The following PRSS23 variants were observed in gnomAD, a reference collection of about 807,000 sequenced individuals.
PRSS23 encodes serine protease 23, also known as protease, serine 23.
A neutral mutation model predicts 34.7 loss-of-function variants in PRSS23; 25 were observed. The observed-to-expected ratio is 0.72, with a 90% CI of 0.53 to 1.01. The LOEUF (loss-of-function observed/expected upper bound fraction) is 1.01, where lower values mean the gene tolerates loss of function less well. PRSS23 is among the 50% of genes least tolerant of loss of function. PRSS23 has a pLI of 0.00. For missense variants in PRSS23, 445 were observed against 475.6 expected (o/e 0.94, Z 0.60); for synonymous variants, 176 against 186.6 (o/e 0.94, Z 0.46).
At chr11:86,800,323 C>T (rs192348246), upstream of PRSS23, 505 of 462,160 alleles carry the variant, frequency 1.1e-3, 3 homozygotes, top group African/African-American at 9.2e-3. Context: ...GCCGCGCCAC[C>T]GGGGCCCACC....
At chr11:86,885,686 T>A (rs556287870) in intron 2 of PRSS23, among the ~76,000 whole-genome samples, 1 of 152,314 alleles carries the variant, frequency 6.6e-6, no homozygotes, top group African/African-American at 2.4e-5. Context: ...TCCCGCAGAT[T>A]TTTGACTTGC....
chr11:86,831,315 A>G (rs752967249), intron 2 of PRSS23, among the ~76,000 whole-genome samples: 1 of 151,914 alleles, frequency 6.6e-6, no homozygotes, highest in African/African-American at 2.4e-5. Context: ...TAGCGGGTTT[A>G]CACCTTTTTG....
chr11:86,819,684 T>G (rs1399861730), intron 1 of PRSS23, among the ~76,000 whole-genome samples: 1 of 152,196 alleles, frequency 6.6e-6, no homozygotes, highest in Non-Finnish European at 1.5e-5. Flanking sequence ...TATACTACTG[T>G]TCCCCACACT....
chr11:86,926,057 T>C (rs781368025), intron 2 of PRSS23, among the ~76,000 whole-genome samples: 3 of 152,210 alleles, frequency 2.0e-5, no homozygotes, highest in Non-Finnish European at 4.4e-5. Flanking sequence ...CCTACATTCA[T>C]TTCTTTATTT....
At chr11:86,836,538 A>G (rs1226249951) in intron 2 of PRSS23, among the ~76,000 whole-genome samples, 4 of 152,148 alleles carry the variant, frequency 2.6e-5, no homozygotes, top group Admixed American at 6.5e-5. Context: ...CTCCCTAACA[A>G]GGGAGTGGGG....
intron 2 of PRSS23, among the ~76,000 whole-genome samples, chr11:86,906,167 G>A (rs1948940716): frequency 6.6e-6 from 1 of 152,326 alleles, no homozygotes; most frequent in Non-Finnish European, 1.5e-5. Context: ...GGGGGCGGGG[G>A]CAAGAGGAAA....
At chr11:86,890,827 T>G (rs72959670) in intron 2 of PRSS23, among the ~76,000 whole-genome samples, 1 of 152,348 alleles carries the variant, frequency 6.6e-6, no homozygotes, top group African/African-American at 2.4e-5. Context: ...ACCACTGGAC[T>G]TTCTCTTCTG....
At chr11:86,867,874 C>CAAAAAAAAAAAAAAAAAAAAAAAAAAA (rs11352878) in intron 2 of PRSS23, among the ~76,000 whole-genome samples, 1 of 118,334 alleles carries the variant, frequency 8.5e-6, no homozygotes, top group East Asian at 2.5e-4. Flanking sequence ...GACCCTACCT[C>CAAAAAAAAAAAAAAAAAAAAAAAAAAA]AAAAAAAAAA....
In PRSS23 at chr11:86,808,285, C is replaced by T. The variant is rs760352049; in HGVS notation, c.642C>T (p.Pro214=). Residue 214 remains proline, a synonymous_variant, in exon 2 of 2, where the codon CCC becomes CCT. Transcript: ENST00000280258. The part of the protein sequence containing the change: ...RGANDSTSAM[P]EQMKFQWIRV... Reference sequence around the variant, plus strand: ...CCAACGACTCCACTTCAGCCATGCCCGAGCAGATGAAATTTCAGTGGATCC... The same window carrying T: ...CCAACGACTCCACTTCAGCCATGCCTGAGCAGATGAAATTTCAGTGGATCC... The T allele has an allele frequency of 1.3e-5, 21 of 1,613,894 alleles. No homozygotes were observed. Among genetic ancestry groups the T allele is most frequent in the South Asian group, 5.5e-5 (5 of 91,084 alleles).
exon 2 of PRSS23, chr11:86,823,404 C>G (rs940794833): frequency 1.6e-5 from 11 of 702,320 alleles, no homozygotes; most frequent in African/African-American, 8.7e-5. Context: ...AGAATGAGAC[C>G]TGTGTGCCAA....
chr11:86,923,505 C>T (rs1949060510), intron 2 of PRSS23, among the ~76,000 whole-genome samples: 2 of 152,082 alleles, frequency 1.3e-5, no homozygotes, highest in African/African-American at 4.8e-5. Context: ...GACTATAGGC[C>T]ACCAATTGGC....
chr11:86,824,070 G>A (rs1441188999), intron 2 of PRSS23, among the ~76,000 whole-genome samples: 15 of 140,594 alleles, frequency 1.1e-4, no homozygotes, highest in Non-Finnish European at 2.0e-4. Flanking sequence ...AGAAGTCAAA[G>A]CCAAAAGAGG....
chr11:86,804,016 C>T (rs1948071321), intron 1 of PRSS23, among the ~76,000 whole-genome samples: 1 of 152,122 alleles, frequency 6.6e-6, no homozygotes, highest in Admixed American at 6.5e-5. Context: ...AGCATCGTCC[C>T]TGACCTGGAC....
intron 1 of PRSS23, chr11:86,823,246 T>TAA (rs11402135): frequency 1.1e-5 from 7 of 610,500 alleles, no homozygotes; most frequent in African/African-American, 1.1e-4. Context: ...AAAAGCATCA[T>TAA]AAAAAAAAAT....
At chr11:86,932,717 T>C (rs1949134239) in intron 2 of PRSS23, 1 of 152,206 alleles carries the variant, frequency 6.6e-6, no homozygotes, top group African/African-American at 2.4e-5. Flanking sequence ...CCTCCCTGTT[T>C]ACCCCAGTGG....
At chr11:86,929,038 T>C (rs1949104614) in intron 2 of PRSS23, among the ~76,000 whole-genome samples, 1 of 151,952 alleles carries the variant, frequency 6.6e-6, no homozygotes, top group South Asian at 2.1e-4. Context: ...AACCACAAAC[T>C]TGGCTGGGTG....
intron 2 of PRSS23, among the ~76,000 whole-genome samples, chr11:86,863,852 GC>G (rs1948632115): frequency 6.6e-6 from 1 of 152,196 alleles, no homozygotes; most frequent in Middle Eastern, 3.2e-3. Context: ...GTATTAAAGA[GC>G]AAGGCTGCAT....
intron 2 of PRSS23, among the ~76,000 whole-genome samples, chr11:86,878,588 G>A (rs1428876108): frequency 2.6e-5 from 4 of 152,144 alleles, no homozygotes; most frequent in African/African-American, 7.2e-5. Flanking sequence ...AGGCTGGAGT[G>A]CAGTGGCGTG....
chr11:86,840,880 A>ATGGCAGAAGTGAAGATGTTATTT (rs1565362614), intron 2 of PRSS23, among the ~76,000 whole-genome samples: 1 of 151,882 alleles, frequency 6.6e-6, no homozygotes, highest in East Asian at 2.0e-4. Context: ...TAGCAAAATG[A>ATGGCAGAAGTGAAGATGTTATTT]TGGCAGAAGT....
Sources: gnomAD v4.1 joint callset for allele counts (sites outside exome capture counted in the v4.1 genomes callset) on GRCh38, gnomAD v4.1.1 for gene constraint, MANE v1.5 for transcripts, NCBI Gene and HGNC (gene_info 2026-07-23, HGNC 2026-07-21) for gene names.